The following UNG variants were observed in gnomAD, a reference collection of about 807,000 sequenced individuals.
UNG encodes the protein uracil-DNA glycosylase.
UNG carries 34 observed loss-of-function variants against 36.5 expected under a neutral mutation model. The ratio of observed to expected loss-of-function variants is 0.93; its 90% CI spans 0.71 to 1.24. UNG has a LOEUF of 1.24. UNG is among the 50% of genes most tolerant of loss of function. The pLI, the probability that UNG is intolerant of heterozygous loss-of-function variation, is 0.00. For missense variants in UNG, 391 were observed against 397.6 expected, an observed-to-expected ratio of 0.98 and a Z score of 0.14; for synonymous variants, 172 against 157.8, an observed-to-expected ratio of 1.09 and a Z score of -0.67.
At chr12:109,099,002 G>A (rs2042156366) in intron 2 of UNG, among the ~76,000 whole-genome samples, 187 bp from the exon 3 acceptor site, 1 of 152,214 alleles carries the variant, frequency 6.6e-6, no homozygotes, top group Non-Finnish European at 1.5e-5. Context: ...GCAAGGAATT[G>A]ACCTGATTGA....
At chr12:109,107,573 T>A (rs1222474377) in intron 6 of UNG, among the ~76,000 whole-genome samples, 1 of 143,854 alleles carries the variant, frequency 7.0e-6, no homozygotes, top group Non-Finnish European at 1.5e-5. Flanking sequence ...TTGCCCAGGC[T>A]GGAGTGCAAT....
Position 109,110,426 on chromosome 12 carries a change from G to T in UNG, c.*457G>T, listed in dbSNP as rs898513782. ...AGGGCAGGCATGCCAGTCTCTGCCA[G>T]TTCCACTGCCCCCTTGATCTTTGAA... On this transcript the variant is annotated 3_prime_UTR_variant, in exon 7 of 7. Coordinates refer to ENST00000242576, the MANE Select transcript of UNG (RefSeq NM_080911.3). The T allele has an allele frequency of 5.2e-5, 11 of 209,966 alleles. No homozygotes were observed. The highest frequency in any genetic ancestry group is 9.8e-5 in the Non-Finnish European group (10 of 102,388). The allele number at this position is 209,966 out of a possible 1,614,324, so 13.0% of individuals were successfully genotyped here.
chr12:109,099,101 C>T, intron 2 of UNG, 88 bp from the exon 3 acceptor site: 2 of 1,265,472 alleles, frequency 1.6e-6, no homozygotes, highest in Non-Finnish European at 2.3e-6. Flanking sequence ...AATGATGTTC[C>T]AAATAACTTG....
chr12:109,098,127 C>T (rs945304797), intron 1 of UNG: 143 of 1,354,938 alleles, frequency 1.1e-4, no homozygotes, highest in Admixed American at 4.9e-4. Flanking sequence ...GAAAAGACCA[C>T]GTGGGGACGC....
intron 4 of UNG, 142 bp from the exon 5 acceptor site, chr12:109,102,697 T>C: frequency 1.5e-6 from 1 of 668,532 alleles, no homozygotes; most frequent in Non-Finnish European, 2.7e-6. Context: ...GTTGATCTCA[T>C]TAATCGGCGC....
At chr12:109,102,761 A>G in intron 4 of UNG, 78 bp from the exon 5 acceptor site, 1 of 1,198,566 alleles carries the variant, frequency 8.3e-7, no homozygotes, top group Non-Finnish European at 1.2e-6. Context: ...ACCTTTTCAC[A>G]TATGTCTTAG....
chr12:109,110,027 A>C lies in UNG; in HGVS notation c.*58A>C. ...CTGTTAACGTATTTGCCAGTTACGA[A>C]GTTCCACTGAAAATTTTCCTATTAA... On this transcript the variant is annotated 3_prime_UTR_variant, in exon 7 of 7. Coordinates refer to ENST00000242576, the MANE Select transcript of UNG (RefSeq NM_080911.3). 1 of 1,612,594 alleles carries C rather than the reference A, an allele frequency of 6.2e-7. No individual in the cohort carries two copies. Among genetic ancestry groups the C allele is most frequent in the Admixed American group, 1.7e-5 (1 of 59,976 alleles).
chr12:109,105,909 A>C (rs246078), intron 6 of UNG, among the ~76,000 whole-genome samples: 1 of 152,262 alleles, frequency 6.6e-6, no homozygotes, highest in Admixed American at 6.5e-5. Flanking sequence ...AGGGGGGTAG[A>C]GGGGTGGCCC....
chr12:109,098,550 G>C lies in UNG; in HGVS notation c.251G>C (p.Arg84Thr), dbSNP rs376181894. The change falls in exon 2 of 7, where the codon AGA becomes ACA. Residue 84 changes from arginine to threonine, a missense_variant. Arg to Thr is a moderately conservative substitution (Grantham distance 71). Transcript: ENST00000242576. ...AGGAACAAGGCCGCGGCCCTGCTCA[G>C]ACTCGCGGCCCGCAACGTGCCCGTG... ...IQRNKAAALLRLAARNVPVGF... is the reference protein window; with the variant it reads ...IQRNKAAALLTLAARNVPVGF... The C allele has an allele frequency of 5.6e-6, 9 of 1,613,296 alleles. No individual in the cohort carries two copies. In the African/African-American group the frequency reaches 1.2e-4, roughly 21 times the overall value.
chr12:109,106,354 C>T (rs1271236168), intron 6 of UNG, among the ~76,000 whole-genome samples: 1 of 152,148 alleles, frequency 6.6e-6, no homozygotes, highest in East Asian at 1.9e-4. Flanking sequence ...CTTAACCACA[C>T]TGGATTGCCT....
chr12:109,103,581 T>G lies in UNG; in HGVS notation c.771T>G (p.Tyr257Ter). Residue 257 changes from tyrosine to a stop codon, truncating the protein, a stop_gained, in exon 6 of 7, where the codon TAT becomes TAG. Transcript: ENST00000242576. LOFTEE classifies it high-confidence loss of function. ...TTGTTTTCTTGCTCTGGGGCTCTTA[T>G]GCTCAGAAGAAGGGCAGTGCCATTG... is the stretch of plus-strand genomic sequence containing the variant. ...NGLVFLLWGS[Y>*]AQKKGSAIDR... is the part of the protein sequence containing the mutation. 1 of 1,613,948 alleles carries G rather than the reference T, an allele frequency of 6.2e-7. No homozygotes were observed. The highest frequency in any genetic ancestry group is 2.2e-5 in the East Asian group (1 of 44,896).
At position 109,098,279 on chromosome 12, in the gene UNG, C is replaced by T. The variant is rs763190718; in HGVS notation, c.133-153C>T. The T allele has an allele frequency of 5.8e-6, 9 of 1,545,528 alleles. No individual in the cohort carries two copies. In the East Asian group the frequency reaches 1.8e-4, roughly 31 times the overall value. ...CTAATTCCCAATTCCCGGACCGGGC[C>T]CAGCCCTGGGCTCTTACTGTCCGCT... On this transcript the variant is annotated intron_variant, in intron 1 of 6. Coordinates refer to ENST00000242576, the MANE Select transcript of UNG (RefSeq NM_080911.3).
intron 6 of UNG, among the ~76,000 whole-genome samples, chr12:109,104,631 C>A (rs779219616): frequency 1.8e-4 from 27 of 152,080 alleles, no homozygotes; most frequent in African/African-American, 6.3e-4. Context: ...TCATCTTTCT[C>A]CAGGAGAACC....
Position 109,109,834 on chromosome 12 carries a change from G to C in UNG, c.807G>C (p.Arg269=). 1 of 1,613,582 alleles carries C rather than the reference G, an allele frequency of 6.2e-7. No individual in the cohort carries two copies. The highest frequency in any genetic ancestry group is 1.1e-5 in the South Asian group (1 of 91,058). The part of the protein sequence containing the change: ...QKKGSAIDRK[R]HHVLQTAHPS... ...TTATTCTTGATCTTTTTCAGAAGCGGCACCATGTACTACAGACGGCTCATC... is the reference window on the plus strand; with the variant it reads ...TTATTCTTGATCTTTTTCAGAAGCGCCACCATGTACTACAGACGGCTCATC... The change falls in exon 7 of 7, where the codon CGG becomes CGC. Residue 269 remains arginine (R), a synonymous_variant. Transcript: ENST00000242576.
chr12:109,098,849 A>G (rs2042155438), intron 2 of UNG, among the ~76,000 whole-genome samples: 2 of 152,204 alleles, frequency 1.3e-5, no homozygotes, highest in Admixed American at 6.5e-5. Flanking sequence ...GCGAGATGAT[A>G]TCATGGATTC....
chr12:109,097,824 T>C lies in UNG; in HGVS notation c.132+13T>C, dbSNP rs1447555682. On this transcript the variant is annotated intron_variant, in intron 1 of 6. Transcript: ENST00000242576. The stretch of plus-strand genomic sequence containing the variant: ...CGGAGATGCGGCGGTGAGGCGCGGC[T>C]TGGGCCGGGGCTAGGGGGTGAAGGG... 3 of 1,535,992 alleles carry C rather than the reference T, an allele frequency of 2.0e-6. No homozygotes were observed. Among genetic ancestry groups the C allele is most frequent in the Non-Finnish European group, 2.6e-6 (3 of 1,138,510 alleles).
rs758619136 is a variant in UNG at position 109,098,572 on chromosome 12, C to G, written c.273C>G (p.Pro91=). 6.2e-7 allele frequency: 1 copy of G among 1,613,384 alleles called. No homozygotes were observed. Among genetic ancestry groups the G allele is most frequent in the Non-Finnish European group, 8.5e-7 (1 of 1,179,982 alleles). ...TCAGACTCGCGGCCCGCAACGTGCC[C>G]GTGGGCTTTGGAGAGAGCTGGAAGA... The part of the protein sequence containing the change: ...ALLRLAARNV[P]VGFGESWKKH... The change falls in exon 2 of 7, where the codon CCC becomes CCG. Residue 91 remains proline (P), a synonymous_variant. Transcript: ENST00000242576.
intron 4 of UNG, among the ~76,000 whole-genome samples, chr12:109,102,472 GAA>G (rs777944770): frequency 3.7e-5 from 5 of 135,740 alleles, no homozygotes; most frequent in Admixed American, 7.4e-5. Context: ...AGCAAGACTG[GAA>G]AAAAAAAAAA....
chr12:109,101,515 C>G (rs2135885331), intron 3 of UNG, among the ~76,000 whole-genome samples: 1 of 151,986 alleles, frequency 6.6e-6, no homozygotes, highest in Non-Finnish European at 1.5e-5. Context: ...AGACCAGCCT[C>G]AGCAACATAA....
Sources: allele counts gnomAD v4.1 joint callset (sites outside exome capture counted in the v4.1 genomes callset), GRCh38; gene constraint gnomAD v4.1.1; transcripts MANE v1.5; gene names NCBI Gene and HGNC (gene_info 2026-07-23, HGNC 2026-07-21).